The following KIAA1217 variants were observed in gnomAD, a reference collection of about 807,000 sequenced individuals.
KIAA1217 encodes the protein sickle tail protein homolog.
A neutral mutation model predicts 163.9 loss-of-function variants in KIAA1217; 88 were observed. The observed-to-expected ratio is 0.54, with a 90% CI of 0.45 to 0.64. KIAA1217 has a LOEUF of 0.64. KIAA1217 is among the 30% of genes least tolerant of loss of function. KIAA1217 has a pLI of 0.00. For synonymous variants in KIAA1217, 903 were observed against 923.1 expected (o/e 0.98, Z 0.39); for missense variants, 2,372 against 2,475.0 (o/e 0.96, Z 0.88).
At chr10:24,487,047 G>C (rs1406364128) in intron 6 of KIAA1217, among the ~76,000 whole-genome samples, 1 of 152,274 alleles carries the variant, frequency 6.6e-6, no homozygotes, top group Non-Finnish European at 1.5e-5. Flanking sequence ...CACTGTTTTT[G>C]CTTCCACTAA....
At chr10:24,545,217 A>C in intron 20 of KIAA1217, 114 bp downstream of exon 20, 1 of 1,501,960 alleles carries the variant, frequency 6.7e-7, no homozygotes, top group Admixed American at 2.1e-5. Context: ...TTACATAGAC[A>C]TCCTGGATCT....
In KIAA1217 at chr10:24,543,130, C is replaced by T; in HGVS notation, c.3860C>T (p.Ser1287Leu). 1 of 1,613,444 alleles carries T rather than the reference C, an allele frequency of 6.2e-7. No homozygotes were observed. The highest frequency in any genetic ancestry group is 1.1e-5 in the South Asian group (1 of 91,040). ...GAAATAAACAAAGGGTCTAAAATCT[C>T]AGGCCTGCAATACTCTATACCTGAC... is the stretch of plus-strand genomic sequence containing the variant. ...EDEINKGSKI[S>L]GLQYSIPDTE... Residue 1287 changes from serine (S) to leucine (L), a missense_variant, in exon 19 of 21, where the codon TCA becomes TTA. By Grantham distance (145) the Ser-to-Leu change is moderately radical. Coordinates refer to ENST00000376454, the MANE Select transcript of KIAA1217 (RefSeq NM_019590.5).
At chr10:24,412,012 GGTTA>G (rs1223218108) in intron 3 of KIAA1217, among the ~76,000 whole-genome samples, 2 of 151,962 alleles carry the variant, frequency 1.3e-5, no homozygotes, top group Non-Finnish European at 2.9e-5. Flanking sequence ...GCCGAGGGTG[GGTTA>G]GTAACATCTG....
intron 2 of KIAA1217, among the ~76,000 whole-genome samples, chr10:24,059,519 G>A (rs2060641043): frequency 6.6e-6 from 1 of 152,042 alleles, no homozygotes; most frequent in Non-Finnish European, 1.5e-5. Flanking sequence ...CTTTTGTTAA[G>A]AGGTTTTTGA....
At chr10:23,886,316 T>A (rs553650279) in intron 1 of KIAA1217, among the ~76,000 whole-genome samples, 1 of 152,106 alleles carries the variant, frequency 6.6e-6, no homozygotes, top group East Asian at 2.0e-4. Flanking sequence ...TTCCTTTGAA[T>A]GTCTGGTGTC....
At chr10:23,886,581 A>G (rs1260424894) in intron 1 of KIAA1217, among the ~76,000 whole-genome samples, 1 of 151,972 alleles carries the variant, frequency 6.6e-6, no homozygotes, top group African/African-American at 2.4e-5. Flanking sequence ...CAGCAGAGAG[A>G]GAAATCGTAT....
intron 2 of KIAA1217, among the ~76,000 whole-genome samples, chr10:24,313,195 T>C (rs746046988): frequency 6.6e-5 from 10 of 152,196 alleles, no homozygotes; most frequent in Non-Finnish European, 8.8e-5. Context: ...GAGCGGGACG[T>C]ATTTTGCAGT....
intron 2 of KIAA1217, among the ~76,000 whole-genome samples, chr10:24,095,326 G>A (rs752549630): frequency 2.0e-5 from 3 of 152,120 alleles, no homozygotes; most frequent in South Asian, 2.1e-4. Context: ...CATCTTCTGC[G>A]TCGCTCATGC....
intron 2 of KIAA1217, among the ~76,000 whole-genome samples, chr10:24,138,000 A>G (rs1589636257): frequency 1.3e-5 from 2 of 152,314 alleles, no homozygotes; most frequent in East Asian, 3.9e-4. Context: ...TTTAATGTAG[A>G]TTTGAAAAAT....
At chr10:23,920,721 T>C (rs571064729) in intron 1 of KIAA1217, among the ~76,000 whole-genome samples, 1 of 152,268 alleles carries the variant, frequency 6.6e-6, no homozygotes, top group South Asian at 2.1e-4. Flanking sequence ...CACTGATAGC[T>C]CTAATGGACA....
chr10:24,337,160 AC>A (rs1285768798), intron 2 of KIAA1217, among the ~76,000 whole-genome samples: 1 of 152,224 alleles, frequency 6.6e-6, no homozygotes, highest in Non-Finnish European at 1.5e-5. Context: ...CAAATCGTAC[AC>A]CTGATAAGGG....
intron 2 of KIAA1217, among the ~76,000 whole-genome samples, chr10:24,176,044 C>G (rs780768978): frequency 6.6e-6 from 1 of 152,196 alleles, no homozygotes; most frequent in Non-Finnish European, 1.5e-5. Context: ...TGCTTTTATT[C>G]CCTTATCTGG....
intron 2 of KIAA1217, among the ~76,000 whole-genome samples, chr10:24,059,719 A>G (rs1047319985): frequency 2.0e-5 from 3 of 151,828 alleles, no homozygotes; most frequent in Non-Finnish European, 4.4e-5. Flanking sequence ...CTGGGACTAC[A>G]GGCACCCGCC....
chr10:23,787,548 G>A (rs917025249), intron 1 of KIAA1217, among the ~76,000 whole-genome samples: 4 of 152,154 alleles, frequency 2.6e-5, no homozygotes, highest in African/African-American at 9.6e-5. Context: ...ATTGGAAGGA[G>A]GGGTTGGAGG....
chr10:24,402,215 G>T (rs565739331), intron 3 of KIAA1217, among the ~76,000 whole-genome samples: 4 of 152,124 alleles, frequency 2.6e-5, no homozygotes, highest in Admixed American at 2.6e-4. Flanking sequence ...ATATAAAAAG[G>T]CAAACGAGTG....
chr10:23,790,414 C>CATATGT lies in KIAA1217; in HGVS notation c.-321+95184_-321+95185insGTATAT, dbSNP rs1329770085. ...ATGTATATATACATATATACATATA[C>CATATGT]ATATATACATATATACATATACATA... On this transcript the variant is annotated intron_variant, in intron 1 of 18. Coordinates refer to the KIAA1217 transcript ENST00000376462. 2.9e-5 allele frequency among the ~76,000 whole-genome samples: 2 copies of CATATGT among 68,838 alleles called. 1 individual carries two copies. Among genetic ancestry groups the CATATGT allele is most frequent in the Non-Finnish European group, 5.6e-5 (2 of 35,586 alleles). The allele number at this position is 68,838 out of a possible 152,430, so 45.2% of individuals were successfully genotyped here. A position where few individuals can be genotyped will look rare whatever the true frequency, so the allele number is the denominator to read the frequency against.
intron 1 of KIAA1217, among the ~76,000 whole-genome samples, chr10:23,985,647 T>C (rs1164036655): frequency 6.6e-6 from 1 of 152,224 alleles, no homozygotes; most frequent in Non-Finnish European, 1.5e-5. Flanking sequence ...TATTAGTCGA[T>C]ATTCAATGCA....
At chr10:24,222,058 T>A (rs1481310352) in intron 2 of KIAA1217, among the ~76,000 whole-genome samples, 1 of 152,250 alleles carries the variant, frequency 6.6e-6, no homozygotes, top group East Asian at 1.9e-4. Flanking sequence ...ATGTCAAAAA[T>A]AATGATTATT....
chr10:24,400,453 C>T (rs1326526355), intron 3 of KIAA1217, among the ~76,000 whole-genome samples: 1 of 152,178 alleles, frequency 6.6e-6, no homozygotes, highest in Non-Finnish European at 1.5e-5. Context: ...ATGGAAGCCC[C>T]ATCTCAACAT....
Sources: gnomAD v4.1 joint callset for allele counts (sites outside exome capture counted in the v4.1 genomes callset) on GRCh38, gnomAD v4.1.1 for gene constraint, MANE v1.5 for transcripts, NCBI Gene and HGNC (gene_info 2026-07-23, HGNC 2026-07-21) for gene names.